DYRK3: variants seen among roughly 807,000 people sequenced by gnomAD.
The protein encoded by DYRK3 is dual specificity tyrosine-phosphorylation-regulated kinase 3.
In DYRK3, 30 loss-of-function variants were observed where a neutral mutation model predicts 40.8. The observed-to-expected ratio is 0.74, with a 90% CI of 0.55 to 1.00. The LOEUF is 1.00. Among genes scored for constraint, DYRK3 ranks in the 50% least tolerant of loss-of-function variants. The pLI is 0.00. For synonymous variants in DYRK3, 272 were observed against 260.7 expected (o/e 1.04, Z -0.42); for missense variants, 699 against 731.5 (o/e 0.96, Z 0.51).
chr1:206,642,327 G>C (rs1323400690), intron 2 of DYRK3, among the ~76,000 whole-genome samples: 3 of 151,206 alleles, frequency 2.0e-5, no homozygotes, highest in African/African-American at 4.9e-5. Context: ...TTACACTGTT[G>C]GTGGGACTGT....
Position 206,637,672 on chromosome 1 carries a change from A to G in DYRK3, c.100A>G (p.Thr34Ala), listed in dbSNP as rs182395266. 148 of 1,613,922 alleles carry G rather than the reference A, an allele frequency of 9.2e-5. No individual in the cohort carries two copies. The East Asian group carries it at 2.9e-3, about 32-fold the overall frequency. ...QRRLGDGVYD[T>A]FMMIDETKCP... ...TAGGTTGGGGGATGGTGTCTATGAC[A>G]CCTTCATGATGATAGATGAAACCAA... The change falls in exon 2 of 3, where the codon ACC (threonine) becomes GCC (alanine). Residue 34 changes from threonine (T) to alanine (A), a missense_variant. Physicochemically the swap from Thr to Ala is moderately conservative, Grantham distance 58. Coordinates refer to ENST00000367109, the MANE Select transcript of DYRK3 (RefSeq NM_003582.4).
chr1:206,646,492 T>C (rs1642848542), intron 2 of DYRK3, among the ~76,000 whole-genome samples: 1 of 151,640 alleles, frequency 6.6e-6, no homozygotes, highest in Non-Finnish European at 1.5e-5. Flanking sequence ...TAGGGAAGAG[T>C]TTTATAAGTA....
intron 2 of DYRK3, among the ~76,000 whole-genome samples, chr1:206,646,057 C>T (rs1671441754): frequency 6.6e-6 from 1 of 152,122 alleles, no homozygotes; most frequent in Non-Finnish European, 1.5e-5. Context: ...ACCATGTTGG[C>T]CAAGCTGGTA....
rs186792074 is a variant in DYRK3, at chr1:206,653,893, T to C, written c.*4928T>C. Among the ~76,000 whole-genome samples, 59 of 152,342 alleles carry C rather than the reference T, an allele frequency of 3.9e-4. No individual in the cohort carries two copies. Among genetic ancestry groups the C allele is most frequent in the African/African-American group, 1.3e-3 (55 of 41,574 alleles). ...GGTTAGCTGGCTAATGTCATTACAA[T>C]TTAGTTTTTGTGACAATCTGTTAAG... On this transcript the variant is annotated 3_prime_UTR_variant, in exon 3 of 3. Transcript: ENST00000367109.
chr1:206,648,867 C>T lies in DYRK3; in HGVS notation c.1669C>T (p.Pro557Ser). ...AFQGLGSKLP[P>S]VVGIANKLKA... Reference sequence around the variant, plus strand: ...CCAGGGATTGGGTTCTAAGCTGCCTCCAGTTGTTGGAATAGCCAATAAGCT... The same window carrying T: ...CCAGGGATTGGGTTCTAAGCTGCCTTCAGTTGTTGGAATAGCCAATAAGCT... The change falls in exon 3 of 3, where the codon CCA becomes TCA. Residue 557 changes from proline (P) to serine (S), a missense_variant. Pro to Ser is a moderately conservative substitution (Grantham distance 74). Transcript: ENST00000367109. 6.2e-7 allele frequency: 1 copy of T among 1,614,152 alleles called. No individual in the cohort carries two copies. The highest frequency in any genetic ancestry group is 8.5e-7 in the Non-Finnish European group (1 of 1,180,024).
In DYRK3 at chr1:206,649,113, AAG is replaced by A; in HGVS notation, c.*150_*151del. The A allele has an allele frequency of 2.3e-6, 2 of 869,950 alleles. No homozygotes were observed. The highest frequency in any genetic ancestry group is 3.4e-6 in the Non-Finnish European group (2 of 593,090). The allele number at this position is 869,950 out of a possible 1,614,324, so 53.9% of individuals were successfully genotyped here. A position where few individuals can be genotyped will look rare whatever the true frequency, so the allele number is the denominator to read the frequency against. On this transcript the variant is annotated 3_prime_UTR_variant, in exon 3 of 3. Coordinates refer to ENST00000367109, the MANE Select transcript of DYRK3 (RefSeq NM_003582.4). ...ACAAAACATTTTTATATGATTATAA[AAG>A]AATTCTTCAAGGGCTAATTACCTAA... is the stretch of plus-strand genomic sequence containing the variant.
intron 2 of DYRK3, among the ~76,000 whole-genome samples, chr1:206,640,332 G>A (rs782555943): frequency 1.3e-5 from 2 of 152,002 alleles, no homozygotes; most frequent in Non-Finnish European, 2.9e-5. Context: ...ACTCTATCCC[G>A]AGATCCTGTT....
At position 206,651,321 on chromosome 1, in the gene DYRK3, G is replaced by A. The variant is rs930138887; in HGVS notation, c.*2356G>A. ...TGCTTCCCCGCATTAACCACATTGC[G>A]TAGGTTTGGGAATTTTGCAGGTGCT... is the stretch of plus-strand genomic sequence containing the variant. On this transcript the variant is annotated 3_prime_UTR_variant, in exon 3 of 3. Transcript: ENST00000367109. Among the ~76,000 whole-genome samples, 11 of 152,196 alleles carry A rather than the reference G, an allele frequency of 7.2e-5. No homozygotes were observed. Among genetic ancestry groups the A allele is most frequent in the Admixed American group, 2.0e-4 (3 of 15,282 alleles).
At chr1:206,646,182 A>G (rs1671448870) in intron 2 of DYRK3, among the ~76,000 whole-genome samples, 1 of 152,168 alleles carries the variant, frequency 6.6e-6, no homozygotes, top group African/African-American at 2.4e-5. Flanking sequence ...GTCCAGTATG[A>G]TGTTTTGATA....
chr1:206,638,575 CTTT>C (rs530299102), intron 2 of DYRK3, among the ~76,000 whole-genome samples: 1 of 141,166 alleles, frequency 7.1e-6, no homozygotes, highest in Admixed American at 7.1e-5. Context: ...TGCTTGGCAG[CTTT>C]TTTTTTTTTT....
At chr1:206,639,528 C>T (rs1020018906) in intron 2 of DYRK3, among the ~76,000 whole-genome samples, 6 of 136,654 alleles carry the variant, frequency 4.4e-5, no homozygotes, top group Admixed American at 2.5e-4. Flanking sequence ...AGTGCAGTGG[C>T]GCAATCTTGG....
Position 206,647,448 on chromosome 1 carries a change from A to G in DYRK3, c.250A>G (p.Lys84Glu), listed in dbSNP as rs150089955. The change falls in exon 3 of 3, where the codon AAG (lysine) becomes GAG (glutamate). Residue 84 changes from lysine to glutamate, a missense_variant. Coordinates refer to ENST00000367109, the MANE Select transcript of DYRK3 (RefSeq NM_003582.4). Reference sequence around the variant, plus strand: ...GCACTTTTTGGATGGAGGTGAGATGAAGGTAGAACAGCTGTTTCAAGAATT... The same window carrying G: ...GCACTTTTTGGATGGAGGTGAGATGGAGGTAGAACAGCTGTTTCAAGAATT... ...TQHFLDGGEM[K>E]VEQLFQEFGN... 7.8e-5 allele frequency: 126 copies of G among 1,614,160 alleles called. No individual in the cohort carries two copies. The African/African-American group carries it at 1.6e-3, about 20-fold the overall frequency.
chr1:206,647,318 G>T lies in DYRK3; in HGVS notation c.190-70G>T, dbSNP rs560114192. The T allele has an allele frequency of 3.1e-4, 441 of 1,438,424 alleles. 7 individuals carry two copies. The African/African-American group carries it at 5.9e-3, about 19-fold the overall frequency. 89.1% of individuals were successfully genotyped at this position (1,438,424 alleles called of 1,614,324 possible). ...ACTGGACATGTTTTGTTGTTATTCAGTTGGAGGAGGGAGGATTCTTCCATC... is the reference window on the plus strand; with the variant it reads ...ACTGGACATGTTTTGTTGTTATTCATTTGGAGGAGGGAGGATTCTTCCATC... On this transcript the variant is annotated intron_variant, in intron 2 of 2. Transcript: ENST00000367109.
rs1671544592 is a variant in DYRK3, at chr1:206,648,772, C to T, written c.1574C>T (p.Ser525Phe). ...TTAAGACACCCTTGGATTAGCAAGT[C>T]TGTCCCCAGACCTCTCACCACCATA... ...QALRHPWISK[S>F]VPRPLTTIDK... is the part of the protein sequence containing the mutation. The change falls in exon 3 of 3, where the codon TCT becomes TTT. Residue 525 changes from serine to phenylalanine, a missense_variant. Physicochemically the swap from Ser to Phe is radical, Grantham distance 155. Coordinates refer to ENST00000367109, the MANE Select transcript of DYRK3 (RefSeq NM_003582.4). The T allele has an allele frequency of 1.2e-6, 2 of 1,614,062 alleles. No individual in the cohort carries two copies. The highest frequency in any genetic ancestry group is 8.5e-7 in the Non-Finnish European group (1 of 1,180,032).
Position 206,647,894 on chromosome 1 carries a change from A to G in DYRK3, c.696A>G (p.Arg232=). The change falls in exon 3 of 3, where the codon CGA becomes CGG. Residue 232 remains arginine (R), a synonymous_variant. Transcript: ENST00000367109. ...CCAGGGTCTATGATCACAAACTTCGACAGTACGTGGCCCTAAAAATGGTGC... is the reference window on the plus strand; with the variant it reads ...CCAGGGTCTATGATCACAAACTTCGGCAGTACGTGGCCCTAAAAATGGTGC... The part of the protein sequence containing the change: ...QVARVYDHKL[R]QYVALKMVRN... The G allele has an allele frequency of 1.2e-6, 2 of 1,614,100 alleles. No homozygotes were observed. Among genetic ancestry groups the G allele is most frequent in the Non-Finnish European group, 1.7e-6 (2 of 1,180,018 alleles).
At position 206,648,494 on chromosome 1, in the gene DYRK3, T is replaced by G. The variant is rs782269734; in HGVS notation, c.1296T>G (p.Leu432=). ...TTCTAGGGATGCCACCACCAAAACT[T>G]CTGGAGCAATCCAAACGTGCCAAGT... ...MELLGMPPPK[L]LEQSKRAKYF... The change falls in exon 3 of 3, where the codon CTT becomes CTG. Residue 432 remains leucine (L), a synonymous_variant. Coordinates refer to ENST00000367109, the MANE Select transcript of DYRK3 (RefSeq NM_003582.4). The G allele has an allele frequency of 6.2e-7, 1 of 1,614,100 alleles. No homozygotes were observed. The highest frequency in any genetic ancestry group is 8.5e-7 in the Non-Finnish European group (1 of 1,180,022).
rs146921314 is a variant in DYRK3 at position 206,648,188 on chromosome 1, G to T, written c.990G>T (p.Lys330Asn). The part of the protein sequence containing the change: ...LQSLDALHKN[K>N]IIHCDLKPEN... Reference sequence around the variant, plus strand: ...CTTTGGATGCCCTCCACAAAAATAAGATTATTCACTGCGATCTGAAGCCAG... The same window carrying T: ...CTTTGGATGCCCTCCACAAAAATAATATTATTCACTGCGATCTGAAGCCAG... Residue 330 changes from lysine to asparagine, a missense_variant, in exon 3 of 3, where the codon AAG becomes AAT. By Grantham distance (94) the Lys-to-Asn change is moderately conservative. Coordinates refer to ENST00000367109, the MANE Select transcript of DYRK3 (RefSeq NM_003582.4). 7.9e-5 allele frequency: 127 copies of T among 1,614,142 alleles called. No individual in the cohort carries two copies. In the African/African-American group the frequency reaches 1.6e-3, roughly 20 times the overall value.
rs1572440453 is a variant in DYRK3, at chr1:206,638,477, T to C, written c.189+716T>C. Among the ~76,000 whole-genome samples the C allele has an allele frequency of 3.3e-5, 5 of 152,042 alleles. No individual in the cohort carries two copies. The South Asian group carries it at 1.0e-3, about 32-fold the overall frequency. On this transcript the variant is annotated intron_variant, in intron 2 of 2. Coordinates refer to ENST00000367109, the MANE Select transcript of DYRK3 (RefSeq NM_003582.4). ...TTTTTAGTAGTCAGGGGTTTCACCA[T>C]GTTGGTCAGGCTGGTCTTGAACTCC...
intron 1 of DYRK3, 91 bp from the exon 2 acceptor site, chr1:206,637,559 C>G: frequency 2.4e-6 from 2 of 819,466 alleles, no homozygotes; most frequent in Non-Finnish European, 2.0e-6. Flanking sequence ...ATTTCTATTA[C>G]TGTTCCTTGT....
Sources: gnomAD v4.1 joint callset for allele counts (sites outside exome capture counted in the v4.1 genomes callset) on GRCh38, gnomAD v4.1.1 for gene constraint, MANE v1.5 for transcripts, NCBI Gene and HGNC (gene_info 2026-07-23, HGNC 2026-07-21) for gene names.